PPP3CA: variants seen among roughly 807,000 people sequenced by gnomAD.
The protein encoded by PPP3CA is CAM-PRP catalytic subunit.
Under a neutral mutation model 66.5 loss-of-function variants are expected in PPP3CA, and 14 were observed. The observed-to-expected ratio is 0.21, with a 90% CI of 0.14 to 0.33. The LOEUF (loss-of-function observed/expected upper bound fraction) is 0.33. PPP3CA is among the 10% of genes least tolerant of loss of function. PPP3CA has a pLI of 1.00. For synonymous variants in PPP3CA, 232 were observed against 226.2 expected, an observed-to-expected ratio of 1.03 and a Z score of -0.23; for missense variants, 317 against 639.5, an observed-to-expected ratio of 0.50 and a Z score of 5.44.
chr4:101,304,757 T>C (rs987505116), intron 1 of PPP3CA, among the ~76,000 whole-genome samples: 1 of 152,220 alleles, frequency 6.6e-6, no homozygotes, highest in African/African-American at 2.4e-5. Flanking sequence ...ATTCAATTAT[T>C]TATCAACACA....
At chr4:101,317,938 C>T (rs1460001928) in intron 1 of PPP3CA, among the ~76,000 whole-genome samples, 3 of 152,032 alleles carry the variant, frequency 2.0e-5, no homozygotes, top group East Asian at 3.9e-4. Flanking sequence ...GAGTTGCCCT[C>T]GGTATTTAAA....
chr4:101,098,237 C>T (rs1024425562), intron 5 of PPP3CA, 130 bp downstream of exon 5: 35 of 984,158 alleles, frequency 3.6e-5, no homozygotes, highest in Non-Finnish European at 4.6e-5. Context: ...CACAAAGGAG[C>T]GATTCATGAC....
At chr4:101,299,661 TCTAA>T (rs1446893309) in intron 1 of PPP3CA, among the ~76,000 whole-genome samples, 4 of 152,208 alleles carry the variant, frequency 2.6e-5, no homozygotes, top group South Asian at 4.1e-4. Flanking sequence ...AGTTTTGTCC[TCTAA>T]CTCTTTGGAA....
chr4:101,303,487 C>T (rs1289061970), intron 1 of PPP3CA, among the ~76,000 whole-genome samples: 1 of 152,070 alleles, frequency 6.6e-6, no homozygotes, highest in African/African-American at 2.4e-5. Context: ...ATATCATGTA[C>T]ATTTTCCCAA....
At chr4:101,121,332 T>C (rs1301872470) in intron 2 of PPP3CA, among the ~76,000 whole-genome samples, 3 of 152,160 alleles carry the variant, frequency 2.0e-5, no homozygotes, top group South Asian at 2.1e-4. Flanking sequence ...CATTACCTTA[T>C]AAACATTACT....
chr4:101,292,706 AG>A (rs2110290683), intron 1 of PPP3CA, among the ~76,000 whole-genome samples: 1 of 152,356 alleles, frequency 6.6e-6, no homozygotes, highest in South Asian at 2.1e-4. Context: ...AATGGAAGTA[AG>A]TATAGCTTTT....
At chr4:101,335,369 T>C (rs1207827904) in intron 1 of PPP3CA, among the ~76,000 whole-genome samples, 1 of 151,912 alleles carries the variant, frequency 6.6e-6, no homozygotes. Flanking sequence ...CTAGCTGTCT[T>C]TGTGGCATGA....
intron 2 of PPP3CA, among the ~76,000 whole-genome samples, chr4:101,109,308 T>TAAAAAAA (rs70961775): frequency 4.4e-5 from 4 of 90,052 alleles, no homozygotes; most frequent in South Asian, 3.8e-4. Context: ...ACAGATTAAC[T>TAAAAAAA]AAAAAAAAAA....
intron 1 of PPP3CA, among the ~76,000 whole-genome samples, chr4:101,285,591 CTGTGTGTATGTGTGTGTGTGTG>C (rs1344141096): frequency 1.5e-5 from 2 of 131,752 alleles, no homozygotes; most frequent in African/African-American, 5.9e-5. Context: ...TCAAATGCCA[CTGTGTGTATGTGTGTGTGTGTG>C]TGTGTGTGTG....
chr4:101,161,357 T>G (rs999417181), intron 2 of PPP3CA, among the ~76,000 whole-genome samples: 2 of 152,146 alleles, frequency 1.3e-5, no homozygotes, highest in African/African-American at 4.8e-5. Flanking sequence ...CCTCTCCCTA[T>G]CACAATGAAT....
intron 1 of PPP3CA, among the ~76,000 whole-genome samples, chr4:101,333,270 G>GTTTTTTTTTTTTTTTTTTTTTTTT (rs70961788): frequency 2.1e-5 from 1 of 47,240 alleles, no homozygotes; most frequent in African/African-American, 6.4e-5. Flanking sequence ...ACCATGCCCA[G>GTTTTTTTTTTTTTTTTTTTTTTTT]TTTTTTTTTT....
intron 11 of PPP3CA, 26 bp downstream of exon 11, chr4:101,040,456 C>A (rs1223160007): frequency 2.6e-6 from 4 of 1,526,450 alleles, no homozygotes; most frequent in Non-Finnish European, 3.6e-6. Flanking sequence ...CAATTTGAAA[C>A]AAAAACAGAG....
At chr4:101,035,196 G>C (rs549597201) in intron 11 of PPP3CA, among the ~76,000 whole-genome samples, 1 of 152,258 alleles carries the variant, frequency 6.6e-6, no homozygotes, top group South Asian at 2.1e-4. Flanking sequence ...TCGAACCCAG[G>C]AGGTGGAGGT....
At chr4:101,324,150 G>GA (rs1305406744) in intron 1 of PPP3CA, among the ~76,000 whole-genome samples, 1,411 of 97,536 alleles carry the variant, frequency 0.014, 87 homozygotes, top group African/African-American at 0.062. Context: ...GGAAGGAAGG[G>GA]AGGGAGGAAG....
intron 1 of PPP3CA, among the ~76,000 whole-genome samples, chr4:101,327,609 C>G (rs1219242560): frequency 2.6e-5 from 4 of 151,904 alleles, no homozygotes; most frequent in Non-Finnish European, 1.5e-5. Context: ...TTTGATATTC[C>G]TATTTGAATA....
At chr4:101,208,194 T>C (rs1008329840) in intron 1 of PPP3CA, among the ~76,000 whole-genome samples, 2 of 152,160 alleles carry the variant, frequency 1.3e-5, no homozygotes, top group Admixed American at 1.3e-4. Context: ...CAGGTTAATA[T>C]AAATGTAAGA....
chr4:101,325,939 G>C (rs901478884), intron 1 of PPP3CA, among the ~76,000 whole-genome samples: 1 of 152,142 alleles, frequency 6.6e-6, no homozygotes, highest in Non-Finnish European at 1.5e-5. Context: ...AGGAGTTCGA[G>C]ACCAGCCTGA....
At chr4:101,334,373 G>A (rs1025168399) in intron 1 of PPP3CA, among the ~76,000 whole-genome samples, 1 of 152,108 alleles carries the variant, frequency 6.6e-6, no homozygotes, top group Non-Finnish European at 1.5e-5. Flanking sequence ...GACCGCAGGA[G>A]ATCCACCCAC....
At chr4:101,261,629 A>G (rs1727012415) in intron 1 of PPP3CA, among the ~76,000 whole-genome samples, 1 of 152,026 alleles carries the variant, frequency 6.6e-6, no homozygotes. Flanking sequence ...TAGTATAATT[A>G]TTTTCACTTT....
Sources: allele counts gnomAD v4.1 joint callset (sites outside exome capture counted in the v4.1 genomes callset), GRCh38; gene constraint gnomAD v4.1.1; transcripts MANE v1.5; gene names NCBI Gene and HGNC (gene_info 2026-07-23, HGNC 2026-07-21).